Variants in PARD3B observed in about 807,000 individuals in gnomAD.
The protein encoded by PARD3B is par-3 family cell polarity regulator beta.
PARD3B carries 103 observed loss-of-function variants against 130.2 expected under a neutral mutation model. The ratio of observed to expected loss-of-function variants is 0.79; its 90% CI spans 0.67 to 0.93. The LOEUF is 0.93. PARD3B is among the 40% of genes least tolerant of loss of function. PARD3B has a pLI of 0.00. For missense variants in PARD3B, 1,609 were observed against 1,499.2 expected (o/e 1.07, Z -1.21); for synonymous variants, 583 against 553.2 (o/e 1.05, Z -0.76).
rs151286129 is a variant in PARD3B at position 205,019,425 on chromosome 2, T to C, written c.395-28156T>C. 7.9e-5 allele frequency among the ~76,000 whole-genome samples: 12 copies of C among 152,326 alleles called. No individual in the cohort carries two copies. In the East Asian group the frequency reaches 2.3e-3, roughly 29 times the overall value. The stretch of plus-strand genomic sequence containing the variant: ...TGTTGTGAGCACTCTTTAGCTATTA[T>C]GAATAGTGATGCTGTGAACATTTTG... On this transcript the variant is annotated intron_variant, in intron 3 of 22. Coordinates refer to ENST00000406610, the MANE Select transcript of PARD3B (RefSeq NM_001302769.2).
At chr2:205,444,601 G>T (rs2106173712) in intron 20 of PARD3B, among the ~76,000 whole-genome samples, 1 of 152,262 alleles carries the variant, frequency 6.6e-6, no homozygotes, top group Admixed American at 6.5e-5. Context: ...CGTCATAATT[G>T]GGGAATGAGC....
In PARD3B at chr2:204,678,823, G is replaced by A. The variant is rs530690991; in HGVS notation, c.121-7358G>A. Among the ~76,000 whole-genome samples, 1 of 152,230 alleles carries A rather than the reference G, an allele frequency of 6.6e-6. No homozygotes were observed. Among genetic ancestry groups the A allele is most frequent in the Admixed American group, 6.5e-5 (1 of 15,292 alleles). Reference sequence around the variant, plus strand: ...TTAGGGCTGCAGATTCCAGGCTCGAGGGTGGGTTCTTTGCCAGGGAGCTGC... The same window carrying A: ...TTAGGGCTGCAGATTCCAGGCTCGAAGGTGGGTTCTTTGCCAGGGAGCTGC... On this transcript the variant is annotated intron_variant, in intron 1 of 22. Coordinates refer to ENST00000406610, the MANE Select transcript of PARD3B (RefSeq NM_001302769.2). The surrounding 1 kb of genome is among the most constrained non-coding windows in gnomAD (Gnocchi z 4.2).
At chr2:204,620,860 G>T (rs962745008) in intron 1 of PARD3B, among the ~76,000 whole-genome samples, 1 of 152,126 alleles carries the variant, frequency 6.6e-6, no homozygotes, top group Admixed American at 6.6e-5. Context: ...GAACAGAGGA[G>T]TTTGAAGAAG....
intron 22 of PARD3B, among the ~76,000 whole-genome samples, chr2:205,603,635 G>T (rs2054875978): frequency 6.6e-6 from 1 of 151,764 alleles, no homozygotes; most frequent in African/African-American, 2.4e-5. Flanking sequence ...ATCTTTCTTG[G>T]CTTAAAGTCT....
At chr2:205,439,628 T>A (rs1480144132) in intron 19 of PARD3B, among the ~76,000 whole-genome samples, 1 of 152,232 alleles carries the variant, frequency 6.6e-6, no homozygotes, top group Non-Finnish European at 1.5e-5. Flanking sequence ...TGATTAGCAC[T>A]AGCATTTTGT....
At chr2:205,247,256 T>C (rs1208779552) in intron 16 of PARD3B, among the ~76,000 whole-genome samples, 1 of 152,214 alleles carries the variant, frequency 6.6e-6, no homozygotes, top group East Asian at 1.9e-4. Flanking sequence ...CCAAGCACAC[T>C]ACTATTAGGT....
intron 16 of PARD3B, among the ~76,000 whole-genome samples, chr2:205,295,624 T>G (rs987498257): frequency 2.0e-5 from 3 of 152,214 alleles, no homozygotes; most frequent in African/African-American, 7.2e-5. Flanking sequence ...AATTTCTCAT[T>G]TTTTAATATG....
intron 2 of PARD3B, among the ~76,000 whole-genome samples, chr2:204,831,814 G>A (rs1328436761): frequency 2.7e-5 from 4 of 150,118 alleles, no homozygotes; most frequent in South Asian, 4.2e-4. Flanking sequence ...AAAGCTTCCA[G>A]ATTTTTTTTT....
At chr2:205,247,528 A>G (rs1194251505) in intron 16 of PARD3B, among the ~76,000 whole-genome samples, 1 of 152,264 alleles carries the variant, frequency 6.6e-6, no homozygotes, top group Non-Finnish European at 1.5e-5. Flanking sequence ...AAATAGTTCC[A>G]ACAGTCTTTA....
rs1323016387 is a variant in PARD3B at position 205,291,821 on chromosome 2, G to T, written c.2186-8709G>T. Among the ~76,000 whole-genome samples, 1 of 152,182 alleles carries T rather than the reference G, an allele frequency of 6.6e-6. No homozygotes were observed. Among genetic ancestry groups the T allele is most frequent in the Admixed American group, 6.5e-5 (1 of 15,286 alleles). ...TTTGGGAAAGAATACTAAGGATGTG[G>T]TCAAACAACTGTTTGATAAGGAGAT... On this transcript the variant is annotated intron_variant, in intron 16 of 22. Coordinates refer to ENST00000406610, the MANE Select transcript of PARD3B (RefSeq NM_001302769.2). This position sits in a 1 kb window ranked among gnomAD's most constrained non-coding sequence, Gnocchi z 4.6.
chr2:205,125,755 G>A lies in PARD3B; in HGVS notation c.1434+18G>A. ...GAGAGTTGGTAATGTTCAGATCTCA[G>A]TCTCACTGAATTTTTAATGCCGAGC... is the stretch of plus-strand genomic sequence containing the variant. On this transcript the variant is annotated intron_variant, in intron 10 of 22. Transcript: ENST00000406610. This position sits in a 1 kb window ranked among gnomAD's most constrained non-coding sequence, Gnocchi z 4.0. 6.2e-7 allele frequency: 1 copy of A among 1,612,876 alleles called. No individual in the cohort carries two copies. The highest frequency in any genetic ancestry group is 1.7e-4 in the Middle Eastern group (1 of 6,048).
At chr2:205,237,421 T>C (rs1016295431) in intron 15 of PARD3B, among the ~76,000 whole-genome samples, 2 of 152,138 alleles carry the variant, frequency 1.3e-5, no homozygotes, top group African/African-American at 4.8e-5. Flanking sequence ...CTTACACATA[T>C]TGGTATTTTT....
At chr2:204,867,640 A>G (rs1426602376) in intron 2 of PARD3B, among the ~76,000 whole-genome samples, 1 of 152,042 alleles carries the variant, frequency 6.6e-6, no homozygotes, top group Non-Finnish European at 1.5e-5. Context: ...TTATACCCCT[A>G]TTGACTTTTT....
At chr2:204,935,650 T>A (rs145267707) in intron 2 of PARD3B, among the ~76,000 whole-genome samples, 312 of 152,160 alleles carry the variant, frequency 2.1e-3, no homozygotes, top group African/African-American at 7.2e-3. Context: ...TCTGTTCTTT[T>A]AAAAAGTATT....
chr2:204,593,552 G>T (rs991198599), intron 1 of PARD3B, among the ~76,000 whole-genome samples: 3 of 152,128 alleles, frequency 2.0e-5, no homozygotes, highest in African/African-American at 7.2e-5. Context: ...CTAATATCCT[G>T]CAACTTAAAT....
intron 15 of PARD3B, among the ~76,000 whole-genome samples, chr2:205,220,945 G>A (rs1283457805): frequency 2.6e-5 from 4 of 152,182 alleles, no homozygotes; most frequent in African/African-American, 9.6e-5. Flanking sequence ...TGGAGGGGCT[G>A]CTGCACTCAG....
chr2:204,545,930 A>C lies in PARD3B; in HGVS notation c.-70A>C. 1.4e-6 allele frequency: 2 copies of C among 1,435,842 alleles called. No individual in the cohort carries two copies. Among genetic ancestry groups the C allele is most frequent in the Non-Finnish European group, 1.8e-6 (2 of 1,095,500 alleles). 88.9% of individuals were successfully genotyped at this position (1,435,842 alleles called of 1,614,324 possible). A position where few individuals can be genotyped will look rare whatever the true frequency, so the allele number is the denominator to read the frequency against. ...GCCCACCCGCCCCGGGCGTCCTCCG[A>C]GAGTGGGGGCTGCGCCCGCGGGGTC... On this transcript the variant is annotated 5_prime_UTR_variant, in exon 1 of 23. Coordinates refer to ENST00000406610, the MANE Select transcript of PARD3B (RefSeq NM_001302769.2).
chr2:204,577,035 G>C (rs554440068), intron 1 of PARD3B, among the ~76,000 whole-genome samples: 14 of 151,032 alleles, frequency 9.3e-5, no homozygotes, highest in South Asian at 6.3e-4. Context: ...TATTTTTCTT[G>C]GGGGGGGATG....
At chr2:205,093,444 G>T (rs537972179) in intron 4 of PARD3B, among the ~76,000 whole-genome samples, 20 of 152,218 alleles carry the variant, frequency 1.3e-4, no homozygotes, top group African/African-American at 4.6e-4. Flanking sequence ...CTTGCACATG[G>T]CATGAAAGTG....
Sources: allele counts gnomAD v4.1 joint callset (sites outside exome capture counted in the v4.1 genomes callset), GRCh38; gene constraint gnomAD v4.1.1; non-coding constraint Gnocchi (gnomAD v3.1); transcripts MANE v1.5; gene names NCBI Gene and HGNC (gene_info 2026-07-23, HGNC 2026-07-21).